Variants in IRAK1BP1 observed in about 807,000 individuals in gnomAD.
The protein encoded by IRAK1BP1 is interleukin 1 receptor associated kinase 1 binding protein 1, also known as interleukin-1 receptor-associated kinase 1-binding protein 1.
A neutral mutation model predicts 28.0 loss-of-function variants in IRAK1BP1; 24 were observed. The ratio of observed to expected loss-of-function variants is 0.86; its 90% CI spans 0.62 to 1.20. The LOEUF (loss-of-function observed/expected upper bound fraction) is 1.20, where lower values mean the gene tolerates loss of function less well. Ranked by LOEUF, IRAK1BP1 falls within the 50% of genes most tolerant of loss-of-function variation. IRAK1BP1 has a pLI of 0.00. For missense variants in IRAK1BP1, 336 were observed against 316.7 expected (o/e 1.06, Z -0.46); for synonymous variants, 131 against 116.3 (o/e 1.13, Z -0.81).
chr6:78,972,122 G>A, the IRAK1BP1 span, among the ~76,000 whole-genome samples: 1 of 152,136 alleles, frequency 6.6e-6, no homozygotes, highest in Non-Finnish European at 1.5e-5. Flanking sequence ...AGACTTAAAT[G>A]TCCCTGTCTG....
chr6:78,975,325 C>G, the IRAK1BP1 span, among the ~76,000 whole-genome samples: 164 of 152,282 alleles, frequency 1.1e-3, no homozygotes, highest in Admixed American at 7.2e-4. Flanking sequence ...AATCAACAAC[C>G]TTTCATGCTA....
chr6:78,950,610 T>G (rs1468413631), downstream of IRAK1BP1, among the ~76,000 whole-genome samples: 5 of 152,180 alleles, frequency 3.3e-5, no homozygotes, highest in East Asian at 3.8e-4. Flanking sequence ...GTTATCAAAT[T>G]TATATATGTA....
chr6:78,972,034 A>G, the IRAK1BP1 span, among the ~76,000 whole-genome samples: 2 of 152,118 alleles, frequency 1.3e-5, no homozygotes, highest in South Asian at 2.1e-4. Context: ...CCACAGCTCA[A>G]GGAGGCCTGC....
chr6:78,876,695 C>T (rs767202660), intron 1 of IRAK1BP1, among the ~76,000 whole-genome samples: 1 of 152,142 alleles, frequency 6.6e-6, no homozygotes, highest in Non-Finnish European at 1.5e-5. Context: ...TGAAACTGTT[C>T]AAGTTTTAAA....
the IRAK1BP1 span, among the ~76,000 whole-genome samples, chr6:78,954,469 CT>C: frequency 6.6e-6 from 1 of 151,834 alleles, no homozygotes; most frequent in Non-Finnish European, 1.5e-5. Context: ...AGGCATTATT[CT>C]TTTTTTCTAG....
chr6:78,956,941 C>G, the IRAK1BP1 span: 3 of 151,966 alleles, frequency 2.0e-5, no homozygotes, highest in African/African-American at 7.2e-5. Context: ...TTGTATGTAT[C>G]AATTGCTTGA....
intron 4 of IRAK1BP1, among the ~76,000 whole-genome samples, chr6:78,923,434 C>T (rs901543104): frequency 6.6e-6 from 1 of 152,102 alleles, no homozygotes; most frequent in African/African-American, 2.4e-5. Context: ...CCTTAGAGAC[C>T]TACAAAGAGA....
At position 78,946,318 on chromosome 6, in the gene IRAK1BP1, A is replaced by C. The variant is rs1188831469; in HGVS notation, c.*978A>C. The C allele has an allele frequency of 1.0e-5, 15 of 1,494,476 alleles. No individual in the cohort carries two copies. The East Asian group carries it at 3.2e-4, about 32-fold the overall frequency. 92.6% of individuals were successfully genotyped at this position (1,494,476 alleles called of 1,614,324 possible). A position where few individuals can be genotyped will look rare whatever the true frequency, so the allele number is the denominator to read the frequency against. On this transcript the variant is annotated 3_prime_UTR_variant and NMD_transcript_variant, in exon 5 of 5. Transcript: ENST00000606868. ...ATAGCTCTATGTGAACGAATAAAACAGTTTATAATATTTTTGGATTCAATA... is the reference window on the plus strand; with the variant it reads ...ATAGCTCTATGTGAACGAATAAAACCGTTTATAATATTTTTGGATTCAATA...
the IRAK1BP1 span, among the ~76,000 whole-genome samples, chr6:78,971,487 T>G: frequency 1.3e-5 from 2 of 152,170 alleles, no homozygotes; most frequent in African/African-American, 4.8e-5. Flanking sequence ...ATCCCATACT[T>G]TCATTCTATT....
chr6:78,867,921 G>A (rs764859611), intron 1 of IRAK1BP1, 30 bp downstream of exon 1: 6 of 1,521,484 alleles, frequency 3.9e-6, no homozygotes, highest in Non-Finnish European at 4.4e-6. Flanking sequence ...GGAAATAAGA[G>A]CCGGAAGACA....
rs1312255615 is a variant in IRAK1BP1, at chr6:78,892,413, T to C, written c.382-5416T>C. ...CAATTCAGCTTATAGTCATAATAAT[T>C]ATAAACAATAAAAGTGTCTTTCTCA... is the stretch of plus-strand genomic sequence containing the variant. On this transcript the variant is annotated intron_variant, in intron 2 of 3. Coordinates refer to ENST00000369940, the MANE Select transcript of IRAK1BP1 (RefSeq NM_001010844.4). Among the ~76,000 whole-genome samples the C allele has an allele frequency of 2.0e-5, 3 of 152,284 alleles. No individual in the cohort carries two copies. The East Asian group carries it at 5.8e-4, about 29-fold the overall frequency.
the IRAK1BP1 span, chr6:78,969,821 A>C: frequency 7.5e-7 from 1 of 1,340,454 alleles, no homozygotes; most frequent in African/African-American, 1.5e-5. Flanking sequence ...ATAGCTTCTA[A>C]ATAAATTACC....
chr6:78,975,796 A>AC, the IRAK1BP1 span, among the ~76,000 whole-genome samples: 3 of 151,450 alleles, frequency 2.0e-5, no homozygotes, highest in Admixed American at 2.0e-4. Context: ...AGAATAAAAT[A>AC]CCTAGGAATC....
At chr6:78,911,817 C>T (rs796729825) in intron 4 of IRAK1BP1, among the ~76,000 whole-genome samples, 2 of 152,180 alleles carry the variant, frequency 1.3e-5, no homozygotes, top group East Asian at 3.9e-4. Flanking sequence ...TACAAGCGAG[C>T]ATATAGAGGC....
chr6:78,892,731 C>T (rs754140297), intron 2 of IRAK1BP1, among the ~76,000 whole-genome samples: 8 of 151,888 alleles, frequency 5.3e-5, no homozygotes, highest in Non-Finnish European at 8.8e-5. Flanking sequence ...ATATTAAAAA[C>T]AAAAAACAAA....
chr6:78,953,866 G>C, the IRAK1BP1 span, among the ~76,000 whole-genome samples: 3 of 151,958 alleles, frequency 2.0e-5, no homozygotes, highest in Non-Finnish European at 4.4e-5. Context: ...GATTACAGGT[G>C]TAAGACACCA....
the IRAK1BP1 span, chr6:78,955,586 T>G: frequency 1.4e-6 from 1 of 736,932 alleles, no homozygotes; most frequent in African/African-American, 1.8e-5. Context: ...AATATCAATA[T>G]GGTAATAATA....
intron 4 of IRAK1BP1, among the ~76,000 whole-genome samples, chr6:78,919,666 T>A (rs897745506): frequency 2.0e-5 from 3 of 152,092 alleles, no homozygotes; most frequent in South Asian, 4.1e-4. Context: ...CCTGAATGGA[T>A]CAATATTAAG....
intron 4 of IRAK1BP1, among the ~76,000 whole-genome samples, chr6:78,923,120 C>A (rs1772787095): frequency 6.6e-6 from 1 of 152,172 alleles, no homozygotes; most frequent in Non-Finnish European, 1.5e-5. Context: ...TTAAAAGGCA[C>A]AGACTGGCAA....
Sources: gnomAD v4.1 joint callset for allele counts (sites outside exome capture counted in the v4.1 genomes callset) on GRCh38, gnomAD v4.1.1 for gene constraint, MANE v1.5 for transcripts, NCBI Gene and HGNC (gene_info 2026-07-23, HGNC 2026-07-21) for gene names.